The following RAPGEF5 variants were observed in gnomAD, a reference collection of about 807,000 sequenced individuals.
RAPGEF5 encodes M-Ras-regulated GEF.
Under a neutral mutation model 125.2 loss-of-function variants are expected in RAPGEF5, and 65 were observed. The ratio of observed to expected loss-of-function variants is 0.52; its 90% CI spans 0.43 to 0.64. The LOEUF (loss-of-function observed/expected upper bound fraction) is 0.64, where lower values mean the gene tolerates loss of function less well. Ranked by LOEUF, RAPGEF5 falls within the 30% of genes least tolerant of loss-of-function variation. The probability of loss-of-function intolerance (pLI) is 0.00; values close to 1 mark genes in which losing one functional copy is unlikely to be tolerated. For missense variants in RAPGEF5, 958 were observed against 1,048.1 expected (o/e 0.91, Z 1.19); for synonymous variants, 391 against 385.9 (o/e 1.01, Z -0.16).
intron 1 of RAPGEF5, among the ~76,000 whole-genome samples, chr7:22,335,580 C>G (rs1215808600): frequency 6.6e-6 from 1 of 151,742 alleles, no homozygotes; most frequent in Non-Finnish European, 1.5e-5. Context: ...GGGGCATCTA[C>G]TTCCATTTTC....
chr7:22,308,365 A>G lies in RAPGEF5; in HGVS notation c.654T>C (p.Ile218=). The G allele has an allele frequency of 6.3e-7, 1 of 1,589,478 alleles. No individual in the cohort carries two copies. Among genetic ancestry groups the G allele is most frequent in the Non-Finnish European group, 8.6e-7 (1 of 1,166,664 alleles). ...VKLLLQLVPL[I]PARGGICELS... ...GTTCACAGATGCCACCTCTGGCAGG[A>G]ATGAGAGGCACAAGTTGCAGTAAAA... Residue 218 remains isoleucine, a synonymous_variant, in exon 5 of 26, where the codon ATT becomes ATC. Transcript: ENST00000665637.
chr7:22,313,730 T>C (rs1480172275), intron 3 of RAPGEF5, among the ~76,000 whole-genome samples: 1 of 152,266 alleles, frequency 6.6e-6, no homozygotes, highest in Non-Finnish European at 1.5e-5. Flanking sequence ...ATAAAATGAA[T>C]ACTGTGAGCT....
At chr7:22,324,445 T>A (rs774314831) in intron 1 of RAPGEF5, among the ~76,000 whole-genome samples, 2 of 152,172 alleles carry the variant, frequency 1.3e-5, no homozygotes, top group Non-Finnish European at 2.9e-5. Context: ...GAGGTCTATA[T>A]TTTAGTTAAT....
chr7:22,350,086 T>C (rs1380090176), intron 1 of RAPGEF5, among the ~76,000 whole-genome samples: 1 of 152,200 alleles, frequency 6.6e-6, no homozygotes, highest in African/African-American at 2.4e-5. Context: ...TCTCAAAAAG[T>C]ACTTCCAGAT....
intron 6 of RAPGEF5, among the ~76,000 whole-genome samples, chr7:22,273,870 A>T (rs1210262260): frequency 1.3e-5 from 2 of 152,234 alleles, no homozygotes; most frequent in African/African-American, 4.8e-5. Context: ...AGAAAGATCA[A>T]CATCTGGATT....
chr7:22,144,793 G>C lies in RAPGEF5; in HGVS notation c.2186+251C>G, dbSNP rs1349617630. Among the ~76,000 whole-genome samples, 6 of 152,260 alleles carry C rather than the reference G, an allele frequency of 3.9e-5. No homozygotes were observed. In the East Asian group the frequency reaches 5.8e-4, roughly 15 times the overall value. On this transcript the variant is annotated intron_variant, in intron 20 of 25. Coordinates refer to ENST00000665637, the MANE Select transcript of RAPGEF5 (RefSeq NM_012294.5). Reference sequence around the variant, plus strand: ...CTGCAGGATGAAGGATGTGTGTACTGCCTGCTTATTAGTGCTGAGGCAGAG... The same window carrying C: ...CTGCAGGATGAAGGATGTGTGTACTCCCTGCTTATTAGTGCTGAGGCAGAG...
intron 25 of RAPGEF5, among the ~76,000 whole-genome samples, chr7:22,124,156 G>A (rs1782665396): frequency 6.6e-6 from 1 of 152,188 alleles, no homozygotes; most frequent in Non-Finnish European, 1.5e-5. Context: ...ACACAAGTTA[G>A]TATAACTATC....
chr7:22,292,703 A>G (rs116870034), intron 5 of RAPGEF5, among the ~76,000 whole-genome samples: 4,327 of 152,314 alleles, frequency 0.028, 85 homozygotes, highest in Non-Finnish European at 0.044. Context: ...ACAGGAAATT[A>G]AGAACCAAAG....
intron 17 of RAPGEF5, 86 bp downstream of exon 17, chr7:22,154,369 G>T: frequency 2.1e-6 from 3 of 1,462,926 alleles, no homozygotes; most frequent in Non-Finnish European, 1.8e-6. Flanking sequence ...GGGAGGAGCT[G>T]CACTTTTACT....
At position 22,273,823 on chromosome 7, in the gene RAPGEF5, A is replaced by G. The variant is rs566959114; in HGVS notation, c.748-6811T>C. 2.0e-5 allele frequency among the ~76,000 whole-genome samples: 3 copies of G among 152,278 alleles called. No individual in the cohort carries two copies. In the East Asian group the frequency reaches 5.8e-4, roughly 29 times the overall value. ...ACAGTGTTTTTAGGAATATTACTAGAGGTATATTCAGGTCACACACACAAA... is the reference window on the plus strand; with the variant it reads ...ACAGTGTTTTTAGGAATATTACTAGGGGTATATTCAGGTCACACACACAAA... On this transcript the variant is annotated intron_variant, in intron 6 of 25. Coordinates refer to ENST00000665637, the MANE Select transcript of RAPGEF5 (RefSeq NM_012294.5).
rs540731376 is a variant in RAPGEF5, at chr7:22,253,960, A to G, written c.796+13004T>C. ...ACCATAAAAGCAGAAGCTATTCCAC[A>G]GGTATAAAGGTTATTTTTTTCTTCT... On this transcript the variant is annotated intron_variant, in intron 7 of 25. Transcript: ENST00000665637. 2.0e-5 allele frequency among the ~76,000 whole-genome samples: 3 copies of G among 152,376 alleles called. No individual in the cohort carries two copies. The South Asian group carries it at 6.2e-4, about 32-fold the overall frequency.
chr7:22,193,234 G>A (rs772438651), intron 11 of RAPGEF5, 133 bp downstream of exon 11: 9 of 953,850 alleles, frequency 9.4e-6, no homozygotes, highest in East Asian at 2.6e-5. Flanking sequence ...CAAGGCAAGG[G>A]ACGAGTCGCA....
intron 11 of RAPGEF5, among the ~76,000 whole-genome samples, chr7:22,186,588 G>A (rs557797766): frequency 3.9e-5 from 6 of 152,238 alleles, no homozygotes; most frequent in African/African-American, 1.4e-4. Flanking sequence ...AAGGAGTTTT[G>A]TGTCTATTTT....
At chr7:22,263,235 T>C (rs1394707962) in intron 7 of RAPGEF5, among the ~76,000 whole-genome samples, 4 of 152,196 alleles carry the variant, frequency 2.6e-5, no homozygotes, top group African/African-American at 9.7e-5. Context: ...ATGTTAATGT[T>C]CTGGTTGTGA....
intron 1 of RAPGEF5, among the ~76,000 whole-genome samples, chr7:22,347,388 T>C (rs1164157109): frequency 2.0e-5 from 3 of 152,194 alleles, no homozygotes; most frequent in Non-Finnish European, 4.4e-5. Context: ...ACTATGTAGC[T>C]ATATTTTTTA....
chr7:22,154,522 T>C lies in RAPGEF5; in HGVS notation c.1719A>G (p.Lys573=). 6.2e-7 allele frequency: 1 copy of C among 1,613,912 alleles called. No homozygotes were observed. The change falls in exon 17 of 26, where the codon AAA becomes AAG. Residue 573 remains lysine, a synonymous_variant. Transcript: ENST00000665637. ...KVSSIAQEIL[K]VVAEKIQYAE... is the part of the protein sequence containing the mutation. ...CATACTGGATCTTTTCTGCCACGACTTTTAGGATCTCTTGGGCTATACTGG... is the reference window on the plus strand; with the variant it reads ...CATACTGGATCTTTTCTGCCACGACCTTTAGGATCTCTTGGGCTATACTGG...
chr7:22,264,877 C>G (rs1437995413), intron 7 of RAPGEF5, among the ~76,000 whole-genome samples: 2 of 152,192 alleles, frequency 1.3e-5, no homozygotes, highest in African/African-American at 4.8e-5. Flanking sequence ...ACACTGTCAT[C>G]CCAACTTGTA....
chr7:22,160,444 A>G, intron 14 of RAPGEF5, 74 bp downstream of exon 14: 1 of 1,402,760 alleles, frequency 7.1e-7, no homozygotes, highest in Non-Finnish European at 9.6e-7. Context: ...TTTTATGTAT[A>G]AGGCATTCCA....
At chr7:22,280,321 C>T (rs1362204715) in intron 6 of RAPGEF5, among the ~76,000 whole-genome samples, 1 of 152,126 alleles carries the variant, frequency 6.6e-6, no homozygotes, top group Admixed American at 6.5e-5. Flanking sequence ...GTGGCTGAGC[C>T]AGAAGCAGCA....
Sources: gnomAD v4.1 joint callset for allele counts (sites outside exome capture counted in the v4.1 genomes callset) on GRCh38, gnomAD v4.1.1 for gene constraint, MANE v1.5 for transcripts, NCBI Gene and HGNC (gene_info 2026-07-23, HGNC 2026-07-21) for gene names.